CHD7: variants seen among roughly 807,000 people sequenced by gnomAD.
The protein encoded by CHD7 is ATP-dependent chromatin remodeler CHD7.
In CHD7, 24 loss-of-function variants were observed where a neutral mutation model predicts 307.3. The observed-to-expected ratio is 0.08, with a 90% CI of 0.06 to 0.11. The LOEUF (loss-of-function observed/expected upper bound fraction) is 0.11, where lower values mean the gene tolerates loss of function less well. Among genes scored for constraint, CHD7 ranks in the 10% least tolerant of loss-of-function variants. The pLI, the probability that CHD7 is intolerant of heterozygous loss-of-function variation, is 1.00. For synonymous variants in CHD7, 1,363 were observed against 1,349.9 expected, an observed-to-expected ratio of 1.01 and a Z score of -0.21; for missense variants, 3,106 against 3,727.1, an observed-to-expected ratio of 0.83 and a Z score of 4.34.
At chr8:60,784,525 T>C (rs748392836) in intron 3 of CHD7, among the ~76,000 whole-genome samples, 21 of 152,224 alleles carry the variant, frequency 1.4e-4, no homozygotes, top group Admixed American at 7.2e-4. Flanking sequence ...CTCTGTGCTG[T>C]GTCACTGTCA....
intron 1 of CHD7, among the ~76,000 whole-genome samples, chr8:60,695,135 A>G (rs1806406929): frequency 6.6e-6 from 1 of 152,152 alleles, no homozygotes; most frequent in South Asian, 2.1e-4. Flanking sequence ...TTTCGAGAGA[A>G]GTAAGGTTGA....
chr8:60,856,014 G>A lies in CHD7; in HGVS notation c.6976G>A (p.Ala2326Thr). 1.2e-6 allele frequency: 2 copies of A among 1,611,130 alleles called. No homozygotes were observed. The highest frequency in any genetic ancestry group is 1.7e-6 in the Non-Finnish European group (2 of 1,178,520). ...AAACCGCTTAGACAACATCTGTGAA[G>A]CAGTGTTGAAAGGCAAATGGCCAGT... is the stretch of plus-strand genomic sequence containing the variant. ...MINRLDNICE[A>T]VLKGKWPVNR... The change falls in exon 33 of 38, where the codon GCA becomes ACA. Residue 2326 changes from alanine (A) to threonine (T), a missense_variant. By Grantham distance (58) the Ala-to-Thr change is moderately conservative. This residue lies in a region of CHD7 where 1,030 missense variants were observed against 1,165.4 expected (regional missense o/e 0.88). Transcript: ENST00000423902.
At position 60,862,439 on chromosome 8, in the gene CHD7, G is replaced by A. The variant is rs1406188209; in HGVS notation, c.7971+103G>A. The A allele has an allele frequency of 6.8e-6, 10 of 1,471,168 alleles. No individual in the cohort carries two copies. The South Asian group carries it at 1.0e-4, about 15-fold the overall frequency. The allele number at this position is 1,471,168 out of a possible 1,614,324, so 91.1% of individuals were successfully genotyped here. On this transcript the variant is annotated intron_variant, in intron 36 of 37. Coordinates refer to ENST00000423902, the MANE Select transcript of CHD7 (RefSeq NM_017780.4). ...TAGGGGAAAAGAATCCTGTCTGCCC[G>A]AATGCGTGTGTGCGTGTATGTGTGT...
chr8:60,783,564 G>A (rs1248043281), intron 3 of CHD7, among the ~76,000 whole-genome samples: 2 of 152,248 alleles, frequency 1.3e-5, no homozygotes, highest in African/African-American at 4.8e-5. Context: ...GGAAGAAAAG[G>A]GTGTATTTTC....
At chr8:60,803,137 T>A (rs1294657109) in intron 6 of CHD7, among the ~76,000 whole-genome samples, 4 of 152,200 alleles carry the variant, frequency 2.6e-5, no homozygotes. Context: ...ACTGCTAATT[T>A]ATGAATTGTA....
At chr8:60,810,708 T>C (rs1194663963) in intron 7 of CHD7, among the ~76,000 whole-genome samples, 1 of 152,214 alleles carries the variant, frequency 6.6e-6, no homozygotes, top group African/African-American at 2.4e-5. Flanking sequence ...GTTAGCTTTT[T>C]GTCTTTAGTT....
intron 1 of CHD7, 106 bp from the exon 2 acceptor site, chr8:60,741,153 T>G: frequency 2.2e-6 from 1 of 451,378 alleles, no homozygotes; most frequent in Admixed American, 3.8e-5. Flanking sequence ...ATTCGTATTG[T>G]TGATGGGGAC....
chr8:60,790,153 A>C (rs996399582), intron 3 of CHD7, among the ~76,000 whole-genome samples: 1 of 152,218 alleles, frequency 6.6e-6, no homozygotes, highest in African/African-American at 2.4e-5. Flanking sequence ...GGCTTGTCTA[A>C]AATGAGGAGC....
chr8:60,696,890 T>A (rs936548924), intron 1 of CHD7, among the ~76,000 whole-genome samples: 2 of 152,078 alleles, frequency 1.3e-5, no homozygotes, highest in Non-Finnish European at 2.9e-5. Context: ...TGGCTTTTTT[T>A]AATCTCAAAG....
chr8:60,814,019 A>G (rs1340858032), intron 7 of CHD7, among the ~76,000 whole-genome samples: 5 of 152,190 alleles, frequency 3.3e-5, no homozygotes, highest in Non-Finnish European at 7.4e-5. Flanking sequence ...GGCCTAGTTC[A>G]GATTATTTCT....
chr8:60,811,002 G>C (rs1812778942), intron 7 of CHD7, among the ~76,000 whole-genome samples: 1 of 152,258 alleles, frequency 6.6e-6, no homozygotes, highest in South Asian at 2.1e-4. Context: ...GAAGGATCTA[G>C]GTTTTGTGCT....
chr8:60,762,999 C>T (rs867986507), intron 2 of CHD7, among the ~76,000 whole-genome samples: 14 of 143,448 alleles, frequency 9.8e-5, no homozygotes, highest in Non-Finnish European at 1.2e-4. Context: ...GGTGGGGGGG[C>T]GGCAGGGGGA....
intron 8 of CHD7, among the ~76,000 whole-genome samples, chr8:60,816,869 G>C (rs189902169): frequency 6.6e-6 from 1 of 152,342 alleles, no homozygotes; most frequent in Non-Finnish European, 1.5e-5. Flanking sequence ...ACAAAAGCTT[G>C]ACTTCTGTTG....
chr8:60,720,540 C>T (rs2150543399), intron 1 of CHD7, among the ~76,000 whole-genome samples: 1 of 152,278 alleles, frequency 6.6e-6, no homozygotes, highest in South Asian at 2.1e-4. Flanking sequence ...TTCTTCGTTT[C>T]CTTAAAGCCT....
chr8:60,715,813 A>G (rs1357980887), intron 1 of CHD7, among the ~76,000 whole-genome samples: 1 of 152,202 alleles, frequency 6.6e-6, no homozygotes, highest in Admixed American at 6.5e-5. Flanking sequence ...TAATGGAAAA[A>G]AACCCTAAAC....
At position 60,712,761 on chromosome 8, in the gene CHD7, A is replaced by G. The variant is rs372631036; in HGVS notation, c.-174-28498A>G. Among the ~76,000 whole-genome samples the G allele has an allele frequency of 2.6e-5, 4 of 152,024 alleles. No individual in the cohort carries two copies. The South Asian group carries it at 6.3e-4, about 24-fold the overall frequency. The stretch of plus-strand genomic sequence containing the variant: ...GTGAAACCCCATCTCTACTAAAAAT[A>G]TAAAAATGGCTGGGTGCAGTGGCTC... On this transcript the variant is annotated intron_variant, in intron 1 of 37. Transcript: ENST00000423902.
At chr8:60,799,710 G>A (rs775683074) in intron 4 of CHD7, among the ~76,000 whole-genome samples, 1 of 146,504 alleles carries the variant, frequency 6.8e-6, no homozygotes. Context: ...ATGTTAAAAT[G>A]TACAAAGGTA....
chr8:60,853,510 T>TA lies in CHD7; in HGVS notation c.6775+11dup. ...TCTTCCCAGCCCGAAGGTAAGGCCT[T>TA]ACCACTGGCCCCTCTCCTGACCCTG... On this transcript the variant is annotated intron_variant, in intron 31 of 37. Transcript: ENST00000423902. 6.6e-7 allele frequency: 1 copy of TA among 1,506,030 alleles called. No homozygotes were observed. Among genetic ancestry groups the TA allele is most frequent in the South Asian group, 1.4e-5 (1 of 71,180 alleles). The allele number at this position is 1,506,030 out of a possible 1,614,324, so 93.3% of individuals were successfully genotyped here.
rs376682662 is a variant in CHD7, at chr8:60,699,722, C to T, written c.-175+20640C>T. 2.8e-4 allele frequency among the ~76,000 whole-genome samples: 43 copies of T among 152,252 alleles called. 1 individual carries two copies. The South Asian group carries it at 8.1e-3, about 29-fold the overall frequency. On this transcript the variant is annotated intron_variant, in intron 1 of 37. Coordinates refer to ENST00000423902, the MANE Select transcript of CHD7 (RefSeq NM_017780.4). ...AGTTTCTAGTCCATCTCCATTTCTA[C>T]CCCATGCTCCCAGACTTCACGTGTC...
Sources: allele counts gnomAD v4.1 joint callset (sites outside exome capture counted in the v4.1 genomes callset), GRCh38; gene constraint gnomAD v4.1.1; regional missense constraint gnomAD v4.1.1; transcripts MANE v1.5; gene names NCBI Gene and HGNC (gene_info 2026-07-23, HGNC 2026-07-21).